The following ROBO1 variants were observed in gnomAD, a reference collection of about 807,000 sequenced individuals.
ROBO1 encodes the protein roundabout homolog 1.
A neutral mutation model predicts 195.9 loss-of-function variants in ROBO1; 149 were observed. The ratio of observed to expected loss-of-function variants is 0.76; its 90% confidence interval spans 0.67 to 0.87. The LOEUF (loss-of-function observed/expected upper bound fraction) is 0.87. Among genes scored for constraint, ROBO1 ranks in the 40% least tolerant of loss-of-function variants. The pLI, the probability that ROBO1 is intolerant of heterozygous loss-of-function variation, is 0.00. For missense variants in ROBO1, 1,933 were observed against 2,068.3 expected (o/e 0.93, Z 1.27); for synonymous variants, 816 against 733.2 (o/e 1.11, Z -1.82).
chr3:78,773,620 T>G (rs1301532287), intron 4 of ROBO1, among the ~76,000 whole-genome samples: 1 of 152,166 alleles, frequency 6.6e-6, no homozygotes, highest in Admixed American at 6.5e-5. Flanking sequence ...CATAATTTTT[T>G]ATTGATGTAT....
At chr3:78,749,823 C>T (rs2082743201) in intron 4 of ROBO1, among the ~76,000 whole-genome samples, 1 of 152,130 alleles carries the variant, frequency 6.6e-6, no homozygotes, top group Admixed American at 6.5e-5. Flanking sequence ...TTAACCATTT[C>T]TATTAACCAA....
At position 79,273,223 on chromosome 3, in the gene ROBO1, G is replaced by A. The variant is rs536504173; in HGVS notation, c.89-147684C>T. Among the ~76,000 whole-genome samples, 297 of 152,102 alleles carry A rather than the reference G, an allele frequency of 2.0e-3. 1 individual carries two copies. The highest frequency in any genetic ancestry group is 6.1e-3 in the African/African-American group (253 of 41,494). On this transcript the variant is annotated intron_variant, in intron 2 of 30. Coordinates refer to ENST00000464233, the MANE Select transcript of ROBO1 (RefSeq NM_002941.4). The stretch of plus-strand genomic sequence containing the variant: ...CAGAAAACCACTTAATATTGTAACC[G>A]CGGTTGTGGTGTGTAAAATACTGAT...
intron 3 of ROBO1, among the ~76,000 whole-genome samples, chr3:79,038,406 A>T (rs927068890): frequency 3.3e-5 from 5 of 152,168 alleles, no homozygotes; most frequent in African/African-American, 1.2e-4. Flanking sequence ...TTTTGCAGAC[A>T]GTTAATCCCC....
At chr3:79,166,723 G>A (rs548359123) in intron 2 of ROBO1, among the ~76,000 whole-genome samples, 29 of 151,650 alleles carry the variant, frequency 1.9e-4, no homozygotes, top group African/African-American at 6.8e-4. Flanking sequence ...CCGCCACCAC[G>A]CCTGGCTAAT....
intron 3 of ROBO1, among the ~76,000 whole-genome samples, chr3:78,978,985 A>T (rs552292502): frequency 6.6e-6 from 1 of 152,302 alleles, no homozygotes; most frequent in South Asian, 2.1e-4. Flanking sequence ...CAGCTTGAGG[A>T]ACATCAGGCT....
chr3:78,826,533 A>G (rs2031622730), intron 4 of ROBO1, among the ~76,000 whole-genome samples: 1 of 152,156 alleles, frequency 6.6e-6, no homozygotes, highest in African/African-American at 2.4e-5. Flanking sequence ...AAGGCGAGAG[A>G]TGGTTGCATA....
chr3:79,211,534 T>C (rs565985965), intron 2 of ROBO1, among the ~76,000 whole-genome samples: 2 of 152,082 alleles, frequency 1.3e-5, no homozygotes, highest in South Asian at 4.2e-4. Context: ...GAGTAGGTAA[T>C]TTGAGACATT....
At chr3:78,992,748 A>G (rs1223857547) in intron 3 of ROBO1, among the ~76,000 whole-genome samples, 1 of 152,158 alleles carries the variant, frequency 6.6e-6, no homozygotes, top group East Asian at 1.9e-4. Flanking sequence ...ACAAGTAAAA[A>G]AAGAGTCTAG....
At chr3:79,504,701 A>G (rs189207599) in intron 2 of ROBO1, among the ~76,000 whole-genome samples, 35 of 152,336 alleles carry the variant, frequency 2.3e-4, no homozygotes, top group African/African-American at 7.9e-4. Flanking sequence ...TGGAAAATGC[A>G]AATTTTGTAT....
At chr3:79,672,335 G>A (rs559506853) in intron 1 of ROBO1, among the ~76,000 whole-genome samples, 2 of 121,504 alleles carry the variant, frequency 1.6e-5, no homozygotes, top group East Asian at 3.9e-4. Context: ...AGATGACTTT[G>A]AATAATGTCA....
chr3:79,621,647 T>C (rs1284451022), intron 1 of ROBO1, among the ~76,000 whole-genome samples: 1 of 152,154 alleles, frequency 6.6e-6, no homozygotes, highest in Non-Finnish European at 1.5e-5. Context: ...AAGCCAAAAA[T>C]TTTGTGCCCT....
At chr3:79,234,659 T>C (rs960343062) in intron 2 of ROBO1, among the ~76,000 whole-genome samples, 4 of 152,150 alleles carry the variant, frequency 2.6e-5, no homozygotes, top group African/African-American at 9.7e-5. Flanking sequence ...AATGAAATCA[T>C]GTTCTTTGCA....
At chr3:78,748,682 C>G (rs1157592835) in intron 4 of ROBO1, among the ~76,000 whole-genome samples, 1 of 151,858 alleles carries the variant, frequency 6.6e-6, no homozygotes, top group Non-Finnish European at 1.5e-5. Flanking sequence ...TTTTTTCCTT[C>G]CTCAATTCCA....
At chr3:78,648,064 T>C (rs894571305) in intron 19 of ROBO1, among the ~76,000 whole-genome samples, 5 of 151,636 alleles carry the variant, frequency 3.3e-5, no homozygotes, top group African/African-American at 1.2e-4. Flanking sequence ...TGAAAGTAAA[T>C]GCTTATTAAA....
chr3:78,747,309 T>C (rs967356924), intron 4 of ROBO1, among the ~76,000 whole-genome samples: 4 of 152,124 alleles, frequency 2.6e-5, no homozygotes, highest in Non-Finnish European at 4.4e-5. Flanking sequence ...GAATTACATA[T>C]ACATGCAAAG....
At chr3:79,365,989 G>A (rs369143295) in intron 2 of ROBO1, among the ~76,000 whole-genome samples, 2 of 151,846 alleles carry the variant, frequency 1.3e-5, no homozygotes. Context: ...TCAGGACAGG[G>A]AGTTTTTGGT....
chr3:79,694,207 T>C (rs1333974441), intron 1 of ROBO1, among the ~76,000 whole-genome samples: 1 of 151,832 alleles, frequency 6.6e-6, no homozygotes, highest in Non-Finnish European at 1.5e-5. Context: ...TATATAAATG[T>C]AATACAAATT....
intron 3 of ROBO1, among the ~76,000 whole-genome samples, chr3:79,072,306 A>G (rs1279195130): frequency 6.6e-6 from 1 of 151,936 alleles, no homozygotes; most frequent in Non-Finnish European, 1.5e-5. Flanking sequence ...GGTGACATAC[A>G]TGTTAGTTTG....
At chr3:78,673,512 ATATAT>A in intron 10 of ROBO1, among the ~76,000 whole-genome samples, 1 of 138,632 alleles carries the variant, frequency 7.2e-6, no homozygotes. Context: ...ATATAAAATA[ATATAT>A]AATATATATA....
Sources: gnomAD v4.1 joint callset for allele counts (sites outside exome capture counted in the v4.1 genomes callset) on GRCh38, gnomAD v4.1.1 for gene constraint, MANE v1.5 for transcripts, NCBI Gene and HGNC (gene_info 2026-07-23, HGNC 2026-07-21) for gene names.